Variants in UTP18 observed in about 807,000 individuals in gnomAD.
UTP18 encodes U3 small nucleolar RNA-associated protein 18 homolog.
In UTP18, 36 loss-of-function variants were observed where a neutral mutation model predicts 61.1. The observed-to-expected ratio is 0.59, with a 90% CI of 0.45 to 0.78. The LOEUF (loss-of-function observed/expected upper bound fraction) is 0.78. Ranked by LOEUF, UTP18 falls within the 30% of genes least tolerant of loss-of-function variation. The pLI is 0.00. For missense variants in UTP18, 753 were observed against 693.9 expected (o/e 1.09, Z -0.96); for synonymous variants, 282 against 251.1 (o/e 1.12, Z -1.16).
At chr17:51,272,969 T>C (rs1904577098) in intron 4 of UTP18, among the ~76,000 whole-genome samples, 1 of 152,258 alleles carries the variant, frequency 6.6e-6, no homozygotes, top group Non-Finnish European at 1.5e-5. Flanking sequence ...TTTTTATTCA[T>C]GTGAGTTGTT....
At chr17:51,272,448 C>G (rs529353732) in intron 4 of UTP18, among the ~76,000 whole-genome samples, 31 of 152,120 alleles carry the variant, frequency 2.0e-4, no homozygotes, top group Admixed American at 3.9e-4. Flanking sequence ...TTGTTTAGAT[C>G]CCTGTGGGGA....
intron 5 of UTP18, among the ~76,000 whole-genome samples, chr17:51,274,353 T>C (rs1208531683): frequency 6.6e-6 from 1 of 152,216 alleles, no homozygotes; most frequent in Non-Finnish European, 1.5e-5. Context: ...CACAGTACTT[T>C]AGTTAAATAT....
chr17:51,262,658 C>T (rs1427746596), intron 1 of UTP18, among the ~76,000 whole-genome samples: 1 of 152,138 alleles, frequency 6.6e-6, no homozygotes, highest in Non-Finnish European at 1.5e-5. Flanking sequence ...AGTGATCCTC[C>T]TGCCTCTGCC....
chr17:51,286,974 C>G (rs1905134587), intron 10 of UTP18, among the ~76,000 whole-genome samples: 1 of 84,966 alleles, frequency 1.2e-5, no homozygotes, highest in Non-Finnish European at 2.2e-5. Context: ...CTATCCCTCC[C>G]CCTTCCCCCC....
chr17:51,273,559 G>A, intron 5 of UTP18, 109 bp downstream of exon 5: 1 of 692,734 alleles, frequency 1.4e-6, no homozygotes, highest in Non-Finnish European at 2.2e-6. Flanking sequence ...GGTTAAATAT[G>A]TTTGCTGTCA....
At chr17:51,280,254 G>T in intron 8 of UTP18, 135 bp from the exon 9 acceptor site, 2 of 1,285,614 alleles carry the variant, frequency 1.6e-6, no homozygotes, top group South Asian at 2.8e-5. Context: ...GCAGTTGGGG[G>T]AGAGCTTTTG....
intron 7 of UTP18, among the ~76,000 whole-genome samples, chr17:51,279,625 T>C (rs779093844): frequency 3.3e-5 from 5 of 152,194 alleles, no homozygotes; most frequent in Non-Finnish European, 7.3e-5. Context: ...CTAGTGGCAG[T>C]GTATTTCCCT....
chr17:51,262,417 A>G (rs571005628), intron 1 of UTP18, among the ~76,000 whole-genome samples: 1 of 152,268 alleles, frequency 6.6e-6, no homozygotes, highest in East Asian at 1.9e-4. Context: ...ACTTTATGGT[A>G]TAAATTTATA....
chr17:51,263,425 C>A, intron 2 of UTP18, 39 bp downstream of exon 2: 2 of 1,416,104 alleles, frequency 1.4e-6, no homozygotes, highest in Non-Finnish European at 1.9e-6. Flanking sequence ...CCTCTGTACA[C>A]TTAAAAAAGT....
intron 9 of UTP18, among the ~76,000 whole-genome samples, chr17:51,281,319 A>G (rs1904913713): frequency 6.6e-6 from 1 of 152,010 alleles, no homozygotes; most frequent in African/African-American, 2.4e-5. Flanking sequence ...TGTTTGGGGA[A>G]AGAATGGGAA....
rs2144415696 is a variant in UTP18, at chr17:51,277,215, A to G, written c.923A>G (p.Glu308Gly). ...IFKACFSANG[E>G]EVLATSTHSK... ...AAGGCTTGTTTTAGTGCTAATGGGG[A>G]AGAAGTTTTAGCCACGAGTACCCAC... Residue 308 changes from glutamate to glycine, a missense_variant, in exon 7 of 14, where the codon GAA becomes GGA. Physicochemically the swap from Glu to Gly is moderately conservative, Grantham distance 98. Coordinates refer to ENST00000225298, the MANE Select transcript of UTP18 (RefSeq NM_016001.3). 1 of 1,614,122 alleles carries G rather than the reference A, an allele frequency of 6.2e-7. No individual in the cohort carries two copies. Among genetic ancestry groups the G allele is most frequent in the East Asian group, 2.2e-5 (1 of 44,876 alleles).
chr17:51,261,176 C>G (rs1010884020), intron 1 of UTP18, among the ~76,000 whole-genome samples: 1 of 152,252 alleles, frequency 6.6e-6, no homozygotes, highest in Non-Finnish European at 1.5e-5. Context: ...CGGGTATCTG[C>G]TTTGCGAACT....
chr17:51,279,910 G>A lies in UTP18; in HGVS notation c.1013-95G>A, dbSNP rs115012936. 5.3e-4 allele frequency: 534 copies of A among 1,014,240 alleles called. 4 individuals carry two copies. In the African/African-American group the frequency reaches 7.9e-3, roughly 15 times the overall value. 62.8% of individuals were successfully genotyped at this position (1,014,240 alleles called of 1,614,324 possible). Reference sequence around the variant, plus strand: ...GTTTTGTTTAATTTGAGCCACTTACGTATTTTAAAAAGTAAGAAACTCATT... The same window carrying A: ...GTTTTGTTTAATTTGAGCCACTTACATATTTTAAAAAGTAAGAAACTCATT... On this transcript the variant is annotated intron_variant, in intron 7 of 13. Transcript: ENST00000225298.
intron 11 of UTP18, chr17:51,288,578 C>T (rs970309027): frequency 1.7e-5 from 8 of 457,284 alleles, no homozygotes; most frequent in Middle Eastern, 3.2e-4. Flanking sequence ...GGAGGCAATT[C>T]TCGGGTTTTG....
intron 6 of UTP18, 144 bp downstream of exon 6, chr17:51,276,135 A>G (rs988916866): frequency 1.0e-5 from 8 of 799,884 alleles, no homozygotes; most frequent in Non-Finnish European, 1.5e-5. Context: ...GTCTCACAGA[A>G]GTGACAGAGT....
chr17:51,260,624 A>G lies in UTP18; in HGVS notation c.40A>G (p.Arg14Gly). Residue 14 changes from arginine to glycine, a missense_variant, in exon 1 of 14, where the codon AGA (arginine) becomes GGA (glycine). Physicochemically the swap from Arg to Gly is moderately radical, Grantham distance 125. Transcript: ENST00000225298. ...GAGGAGACGAATGAAACTGGACCGG[A>G]GAACCGGAGCGAAGCCGAAGCGGAA... is the stretch of plus-strand genomic sequence containing the variant. ...ERRRRMKLDRRTGAKPKRKPG... is the reference protein window; with the variant it reads ...ERRRRMKLDRGTGAKPKRKPG... 1.9e-6 allele frequency: 3 copies of G among 1,612,662 alleles called. No homozygotes were observed.
rs553621078 is a variant in UTP18 at position 51,263,523 on chromosome 17, T to C, written c.455+137T>C. ...TATTTGAAAGTATAGAAAAGATCTT[T>C]CATGGTTCCTGATCCCACCACCGAG... On this transcript the variant is annotated intron_variant, in intron 2 of 13. Coordinates refer to ENST00000225298, the MANE Select transcript of UTP18 (RefSeq NM_016001.3). The C allele has an allele frequency of 4.4e-5, 31 of 700,804 alleles. No homozygotes were observed. The African/African-American group carries it at 5.0e-4, about 11-fold the overall frequency. The allele number at this position is 700,804 out of a possible 1,614,324, so 43.4% of individuals were successfully genotyped here.
rs200641862 is a variant in UTP18 at position 51,260,618 on chromosome 17, G to T, written c.34G>T (p.Asp12Tyr). 78 of 1,612,602 alleles carry T rather than the reference G, an allele frequency of 4.8e-5. No individual in the cohort carries two copies. The highest frequency in any genetic ancestry group is 3.3e-4 in the Middle Eastern group (2 of 6,054). ...GGAGCGGAGGAGACGAATGAAACTG[G>T]ACCGGAGAACCGGAGCGAAGCCGAA... ...PPERRRRMKL[D>Y]RRTGAKPKRK... is the part of the protein sequence containing the mutation. Residue 12 changes from aspartate (D) to tyrosine (Y), a missense_variant, in exon 1 of 14, where the codon GAC (aspartate) becomes TAC (tyrosine). Transcript: ENST00000225298.
In UTP18 at chr17:51,275,973, T is replaced by C. The variant is rs1904708765; in HGVS notation, c.819T>C (p.Asn273=). ...TTGTGATGGTTGCTGGATTAGATAA[T>C]GCTGTATCACTATTTCAGGTATGCA... is the stretch of plus-strand genomic sequence containing the variant. ...AQIVMVAGLD[N]AVSLFQVDGK... Residue 273 remains asparagine (N), a synonymous_variant, in exon 6 of 14, where the codon AAT becomes AAC. Coordinates refer to ENST00000225298, the MANE Select transcript of UTP18 (RefSeq NM_016001.3). The C allele has an allele frequency of 6.2e-7, 1 of 1,610,644 alleles. No homozygotes were observed. The highest frequency in any genetic ancestry group is 8.5e-7 in the Non-Finnish European group (1 of 1,178,826).
Sources: gnomAD v4.1 joint callset for allele counts (sites outside exome capture counted in the v4.1 genomes callset) on GRCh38, gnomAD v4.1.1 for gene constraint, MANE v1.5 for transcripts, NCBI Gene and HGNC (gene_info 2026-07-23, HGNC 2026-07-21) for gene names.